The following PCDH15 variants were observed in gnomAD, a reference collection of about 807,000 sequenced individuals.
PCDH15 encodes protocadherin related 15, also known as protocadherin-15.
A neutral mutation model predicts 178.5 loss-of-function variants in PCDH15; 129 were observed. The ratio of observed to expected loss-of-function variants is 0.72; its 90% CI spans 0.63 to 0.84. The LOEUF is 0.84. PCDH15 is among the 40% of genes least tolerant of loss of function. PCDH15 has a pLI of 0.00. For missense variants in PCDH15, 2,230 were observed against 2,099.9 expected (o/e 1.06, Z -1.21); for synonymous variants, 800 against 732.0 (o/e 1.09, Z -1.50).
At chr10:53,898,506 C>G (rs10825159) in intron 26 of PCDH15, among the ~76,000 whole-genome samples, 97,571 of 151,996 alleles carry the variant, frequency 0.64, 32,456 homozygotes, top group East Asian at 0.87. Context: ...AAATCAACTT[C>G]GTAGAACCAG....
chr10:55,498,655 G>A (rs1045241689), intron 2 of PCDH15, among the ~76,000 whole-genome samples: 17 of 151,822 alleles, frequency 1.1e-4, no homozygotes, highest in African/African-American at 4.1e-4. Context: ...ATAAGTAGCA[G>A]CTATAGTAGA....
intron 2 of PCDH15, among the ~76,000 whole-genome samples, chr10:54,997,592 CA>C (rs1346677499): frequency 6.6e-6 from 1 of 152,048 alleles, no homozygotes; most frequent in Non-Finnish European, 1.5e-5. Context: ...GATCTTTGTG[CA>C]AATTTATTTG....
intron 1 of PCDH15, among the ~76,000 whole-genome samples, chr10:54,778,205 G>A (rs1195888160): frequency 6.6e-6 from 1 of 152,182 alleles, no homozygotes; most frequent in Non-Finnish European, 1.5e-5. Context: ...ATCGAGATGG[G>A]TGAGTTCAAC....
At chr10:54,170,464 C>T (rs981306742) in intron 13 of PCDH15, among the ~76,000 whole-genome samples, 22 of 151,876 alleles carry the variant, frequency 1.4e-4, no homozygotes, top group African/African-American at 5.3e-4. Flanking sequence ...ATGCTCAACT[C>T]ACTCTCTACA....
intron 8 of PCDH15, among the ~76,000 whole-genome samples, chr10:54,255,282 G>C (rs960855496): frequency 6.6e-6 from 1 of 152,142 alleles, no homozygotes; most frequent in Middle Eastern, 3.2e-3. Context: ...GGTGACCAGT[G>C]TTGGAAGAGA....
chr10:53,829,770 C>G (rs925156053), intron 30 of PCDH15, among the ~76,000 whole-genome samples: 6 of 152,058 alleles, frequency 3.9e-5, no homozygotes, highest in African/African-American at 7.2e-5. Flanking sequence ...GGAATGGAGT[C>G]ATGCAGCAAG....
intron 2 of PCDH15, among the ~76,000 whole-genome samples, chr10:55,526,151 C>G (rs1453357293): frequency 1.3e-5 from 2 of 151,876 alleles, no homozygotes; most frequent in Non-Finnish European, 2.9e-5. Context: ...GTTTTTGCTA[C>G]TAATAGACAA....
intron 1 of PCDH15, among the ~76,000 whole-genome samples, chr10:54,763,349 A>G (rs1373839463): frequency 6.6e-6 from 1 of 152,156 alleles, no homozygotes; most frequent in Non-Finnish European, 1.5e-5. Context: ...CTAAGAATAC[A>G]GATGTTAGGA....
At chr10:54,756,188 T>A (rs1287537438) in intron 1 of PCDH15, among the ~76,000 whole-genome samples, 1 of 151,936 alleles carries the variant, frequency 6.6e-6, no homozygotes, top group African/African-American at 2.4e-5. Context: ...AGGCAGAGTT[T>A]GCAGTGAGCC....
intron 5 of PCDH15, among the ~76,000 whole-genome samples, chr10:54,358,980 G>A (rs1260608293): frequency 1.4e-5 from 2 of 142,746 alleles, no homozygotes; most frequent in African/African-American, 2.6e-5. Context: ...ATGGACACAG[G>A]AAGGGGAACA....
chr10:54,980,848 C>T (rs1352286893), intron 2 of PCDH15, among the ~76,000 whole-genome samples: 1 of 151,704 alleles, frequency 6.6e-6, no homozygotes, highest in Admixed American at 6.6e-5. Flanking sequence ...CTCTTGAGTT[C>T]ATTTTTTCAG....
intron 3 of PCDH15, among the ~76,000 whole-genome samples, chr10:54,854,821 A>T (rs924436254): frequency 6.6e-6 from 1 of 152,094 alleles, no homozygotes; most frequent in South Asian, 2.1e-4. Flanking sequence ...TGGTCTGCAG[A>T]ACTGGAGCCC....
At chr10:54,735,694 T>A (rs1591361068) in intron 1 of PCDH15, among the ~76,000 whole-genome samples, 1 of 118,352 alleles carries the variant, frequency 8.4e-6, no homozygotes, top group Non-Finnish European at 1.8e-5. Context: ...CCATAAAAAA[T>A]GATGAGTTCA....
intron 2 of PCDH15, among the ~76,000 whole-genome samples, chr10:55,032,122 A>G (rs1840626543): frequency 6.6e-6 from 1 of 152,182 alleles, no homozygotes; most frequent in Non-Finnish European, 1.5e-5. Flanking sequence ...CAGTTGTCTT[A>G]GTGATTACCT....
chr10:53,855,904 G>GTATATATATATATATATATATATATATA lies in PCDH15; in HGVS notation c.3806+1270_3806+1271insTATATATATATATATATATATATATATA, dbSNP rs56290679. Among the ~76,000 whole-genome samples the GTATATATATATATATATATATATATATA allele has an allele frequency of 3.1e-3, 336 of 109,402 alleles. 23 individuals carry two copies. The highest frequency in any genetic ancestry group is 7.3e-3 in the African/African-American group (193 of 26,356). 71.8% of individuals were successfully genotyped at this position (109,402 alleles called of 152,430 possible). ...TAAAAGTTAAAAAAAAAGGTGATAT[G>GTATATATATATATATATATATATATATA]TATATATATATATATATGTATGTGT... On this transcript the variant is annotated intron_variant, in intron 28 of 37. Transcript: ENST00000644397.
chr10:55,192,721 A>ATC lies in PCDH15; in HGVS notation c.-155-26072_-155-26071dup, dbSNP rs142101115. On this transcript the variant is annotated intron_variant, in intron 1 of 5. Transcript: ENST00000458638. Reference sequence around the variant, plus strand: ...AATTCTGAGTTTCATAGATGAAAGAATCTCTCTCTCTCTCTCTCTCTATAT... The same window carrying ATC: ...AATTCTGAGTTTCATAGATGAAAGAATCTCTCTCTCTCTCTCTCTCTCTATAT... 2.0e-3 allele frequency among the ~76,000 whole-genome samples: 288 copies of ATC among 146,236 alleles called. 1 individual carries two copies. Among genetic ancestry groups the ATC allele is most frequent in the African/African-American group, 5.7e-3 (234 of 40,860 alleles).
chr10:55,447,638 C>T (rs950056799), intron 2 of PCDH15, among the ~76,000 whole-genome samples: 2 of 150,926 alleles, frequency 1.3e-5, no homozygotes, highest in African/African-American at 2.4e-5. Flanking sequence ...CAAACTAAAC[C>T]GAAGAAAAAA....
At chr10:55,608,952 G>C (rs376262732) in intron 2 of PCDH15, among the ~76,000 whole-genome samples, 1 of 150,490 alleles carries the variant, frequency 6.6e-6, no homozygotes, top group East Asian at 2.0e-4. Flanking sequence ...AGGCCAGAAG[G>C]GTTAATTTCT....
At chr10:53,995,616 A>C (rs757055518) in intron 21 of PCDH15, 33 bp downstream of exon 21, 1 of 1,613,688 alleles carries the variant, frequency 6.2e-7, no homozygotes, top group East Asian at 2.2e-5. Context: ...TTCTCAGTAC[A>C]GTTCAGAATA....
Sources: gnomAD v4.1 joint callset for allele counts (sites outside exome capture counted in the v4.1 genomes callset) on GRCh38, gnomAD v4.1.1 for gene constraint, MANE v1.5 for transcripts, NCBI Gene and HGNC (gene_info 2026-07-23, HGNC 2026-07-21) for gene names.